Variants in ALDH1L2 observed in about 807,000 individuals in gnomAD.
ALDH1L2 encodes aldehyde dehydrogenase 1 family member L2.
Under a neutral mutation model 111.0 loss-of-function variants are expected in ALDH1L2, and 91 were observed. The observed-to-expected ratio is 0.82, with a 90% CI of 0.69 to 0.98. The LOEUF is 0.98. Ranked by LOEUF, ALDH1L2 falls within the 50% of genes least tolerant of loss-of-function variation. The pLI is 0.00. For synonymous variants in ALDH1L2, 374 were observed against 392.6 expected (o/e 0.95, Z 0.56); for missense variants, 995 against 1,126.8 (o/e 0.88, Z 1.67).
At chr12:105,036,680 GA>G (rs1294042203) in intron 18 of ALDH1L2, among the ~76,000 whole-genome samples, 1 of 147,932 alleles carries the variant, frequency 6.8e-6, no homozygotes, top group Admixed American at 6.9e-5. Flanking sequence ...GCAACATAGT[GA>G]GATCCCATCT....
At position 105,076,960 on chromosome 12, in the gene ALDH1L2, G is replaced by C. The variant is rs781179963; in HGVS notation, c.49-2955C>G. On this transcript the variant is annotated intron_variant, in intron 1 of 22. Transcript: ENST00000258494. ...ACCTGCCCAAGGGCAGAGCTAATAA[G>C]GGTCCAGGGCAGGATTCAAACCTGG... 7.6e-4 allele frequency among the ~76,000 whole-genome samples: 116 copies of C among 152,240 alleles called. 1 individual carries two copies. Among genetic ancestry groups the C allele is most frequent in the Admixed American group, 5.2e-4 (8 of 15,288 alleles).
chr12:105,052,675 A>G, intron 11 of ALDH1L2, 137 bp downstream of exon 11: 1 of 1,037,496 alleles, frequency 9.6e-7, no homozygotes, highest in Non-Finnish European at 1.4e-6. Context: ...AAAGAAAAGC[A>G]TGAAGTACAT....
intron 19 of ALDH1L2, among the ~76,000 whole-genome samples, chr12:105,034,086 C>T (rs1874844154): frequency 6.6e-6 from 1 of 152,070 alleles, no homozygotes; most frequent in Non-Finnish European, 1.5e-5. Flanking sequence ...TCCTGTCCTG[C>T]GGGGTTATTT....
chr12:105,028,484 T>G (rs1874532511), intron 21 of ALDH1L2, among the ~76,000 whole-genome samples: 2 of 152,086 alleles, frequency 1.3e-5, no homozygotes, highest in African/African-American at 2.4e-5. Flanking sequence ...AAAATTCGAG[T>G]GCTGAATTTA....
At position 105,038,110 on chromosome 12, in the gene ALDH1L2, A is replaced by C. The variant is rs1875267961; in HGVS notation, c.2138T>G (p.Val713Gly). The change falls in exon 18 of 23, where the codon GTG (valine) becomes GGG (glycine). Residue 713 changes from valine (V) to glycine (G), a missense_variant. Transcript: ENST00000258494. The part of the protein sequence containing the change: ...IFNDCELDKA[V>G]RMGMGAVFFN... The stretch of plus-strand genomic sequence containing the variant: ...AATTTGACCCTCTCTTACCATTCGC[A>C]CAGCCTTGTCAAGTTCACAGTCATT... The C allele has an allele frequency of 6.2e-7, 1 of 1,613,362 alleles. No homozygotes were observed. Among genetic ancestry groups the C allele is most frequent in the Non-Finnish European group, 8.5e-7 (1 of 1,179,584 alleles).
rs745392694 is a variant in ALDH1L2, at chr12:105,031,784, GTCT to G, written c.2392_2394del (p.Arg798del). 15 of 1,614,150 alleles carry G rather than the reference GTCT, an allele frequency of 9.3e-6. No individual in the cohort carries two copies. Among genetic ancestry groups the G allele is most frequent in the Non-Finnish European group, 1.3e-5 (15 of 1,180,016 alleles). ...GTGATCTTACCTGGCCTTTGGACTT[GTCT>G]TCCCCCGTACACCAAAGTGGCCCCT... is the stretch of plus-strand genomic sequence containing the variant. On this transcript the variant is annotated inframe_deletion, in exon 20 of 23. Transcript: ENST00000258494.
At chr12:105,080,992 A>G (rs1878310772) in intron 1 of ALDH1L2, among the ~76,000 whole-genome samples, 1 of 152,186 alleles carries the variant, frequency 6.6e-6, no homozygotes, top group Non-Finnish European at 1.5e-5. Context: ...TTTTCTTGTC[A>G]TTATTCCATA....
At chr12:105,026,484 G>C in intron 22 of ALDH1L2, 61 bp downstream of exon 22, 1 of 1,584,604 alleles carries the variant, frequency 6.3e-7, no homozygotes, top group Non-Finnish European at 8.6e-7. Context: ...ATGAAACATA[G>C]AGCAGATTTT....
chr12:105,044,415 A>G (rs1026883056), intron 15 of ALDH1L2, among the ~76,000 whole-genome samples: 1 of 151,552 alleles, frequency 6.6e-6, no homozygotes, highest in Non-Finnish European at 1.5e-5. Context: ...TCCTTTTACA[A>G]TGCTGATATG....
At chr12:105,049,884 A>G in intron 13 of ALDH1L2, 24 bp downstream of exon 13, 1 of 1,590,796 alleles carries the variant, frequency 6.3e-7, no homozygotes, top group South Asian at 1.1e-5. Context: ...TTTTTCTTTC[A>G]GAACAAATAA....
Position 105,062,890 on chromosome 12 carries a change from C to T in ALDH1L2, c.919G>A (p.Ala307Thr). The T allele has an allele frequency of 7.5e-6, 12 of 1,610,352 alleles. No homozygotes were observed. Among genetic ancestry groups the T allele is most frequent in the Non-Finnish European group, 1.0e-5 (12 of 1,178,830 alleles). ...AGGCAGCCATATTTAACACTCACTG[C>T]TTTTCCATCGTTACCAAAAAGAACA... ...GLVLFGNDGK[A>T]LTVRNLQFED... Residue 307 changes from alanine (A) to threonine (T), a missense_variant and splice_region_variant, in exon 7 of 23, where the codon GCA becomes ACA. By Grantham distance (58) the Ala-to-Thr change is moderately conservative (BLOSUM62 0). Transcript: ENST00000258494.
intron 7 of ALDH1L2, 102 bp from the exon 8 acceptor site, chr12:105,061,854 A>T: frequency 7.2e-7 from 1 of 1,381,624 alleles, no homozygotes; most frequent in Admixed American, 2.0e-5. Context: ...TATAAGGGCA[A>T]GTTTATTTGG....
At chr12:105,045,783 C>T (rs1486529239) in intron 15 of ALDH1L2, among the ~76,000 whole-genome samples, 2 of 133,086 alleles carry the variant, frequency 1.5e-5, no homozygotes, top group African/African-American at 5.6e-5. Context: ...TTTTTTTAAA[C>T]TCTGAAAGAA....
intron 7 of ALDH1L2, 50 bp from the exon 8 acceptor site, chr12:105,061,802 C>T: frequency 1.9e-6 from 3 of 1,609,478 alleles, no homozygotes; most frequent in Non-Finnish European, 2.5e-6. Context: ...TGAGACAATA[C>T]AAAAGTGAGG....
intron 17 of ALDH1L2, among the ~76,000 whole-genome samples, chr12:105,038,592 A>G (rs1327018133): frequency 6.6e-6 from 1 of 152,142 alleles, no homozygotes; most frequent in Non-Finnish European, 1.5e-5. Context: ...GTTTGAGCCC[A>G]GGAATTCAAA....
At chr12:105,041,748 T>G (rs1875547854) in intron 15 of ALDH1L2, among the ~76,000 whole-genome samples, 1 of 152,192 alleles carries the variant, frequency 6.6e-6, no homozygotes, top group Non-Finnish European at 1.5e-5. Context: ...ACACAAAGAT[T>G]CTTACTGTAA....
At chr12:105,066,760 C>G (rs1877382830) in intron 4 of ALDH1L2, 91 bp from the exon 5 acceptor site, 1 of 1,005,400 alleles carries the variant, frequency 9.9e-7, no homozygotes, top group Non-Finnish European at 1.5e-6. Flanking sequence ...AGAATTACTA[C>G]CTATAAACCT....
intron 21 of ALDH1L2, among the ~76,000 whole-genome samples, chr12:105,027,971 A>T (rs1040274518): frequency 3.3e-5 from 5 of 152,200 alleles, no homozygotes; most frequent in Admixed American, 3.3e-4. Flanking sequence ...GCAGGTGAAG[A>T]CATGAACCTA....
At chr12:105,075,334 C>G (rs577788483) in intron 1 of ALDH1L2, among the ~76,000 whole-genome samples, 2 of 152,338 alleles carry the variant, frequency 1.3e-5, no homozygotes, top group African/African-American at 4.8e-5. Flanking sequence ...CCTGTAATCC[C>G]AGCACTTTGG....
Sources: allele counts gnomAD v4.1 joint callset (sites outside exome capture counted in the v4.1 genomes callset), GRCh38; gene constraint gnomAD v4.1.1; transcripts MANE v1.5; gene names NCBI Gene and HGNC (gene_info 2026-07-23, HGNC 2026-07-21).